RNF123: variants seen among roughly 807,000 people sequenced by gnomAD.
RNF123 encodes the protein E3 ubiquitin-protein ligase RNF123.
RNF123 carries 86 observed loss-of-function variants against 168.5 expected under a neutral mutation model. That is an observed-to-expected ratio of 0.51 (90% confidence interval 0.43 to 0.61). The LOEUF is 0.61. Among genes scored for constraint, RNF123 ranks in the 20% least tolerant of loss-of-function variants. RNF123 has a pLI of 0.00. For synonymous variants in RNF123, 666 were observed against 689.1 expected (o/e 0.97, Z 0.52); for missense variants, 1,419 against 1,729.7 (o/e 0.82, Z 3.19).
chr3:49,706,926 C>A (rs1559680912), intron 26 of RNF123, 28 bp downstream of exon 26: 2 of 1,593,090 alleles, frequency 1.3e-6, no homozygotes, highest in Non-Finnish European at 1.7e-6. Flanking sequence ...CTGCCCCTTC[C>A]CGACCTCACT....
intron 4 of RNF123, 27 bp from the exon 5 acceptor site, chr3:49,697,336 G>T: frequency 6.2e-7 from 1 of 1,604,324 alleles, no homozygotes; most frequent in Non-Finnish European, 8.5e-7. Context: ...GCTCCACCCT[G>T]CCTGACCCCA....
intron 35 of RNF123, chr3:49,718,333 G>C (rs771546841): frequency 6.2e-7 from 1 of 1,613,382 alleles, no homozygotes; most frequent in South Asian, 1.1e-5. Context: ...GAAAGCCTCG[G>C]GCTCTGGGCG....
At chr3:49,698,698 CAG>C in intron 8 of RNF123, 55 bp from the exon 9 acceptor site, 1 of 1,592,008 alleles carries the variant, frequency 6.3e-7, no homozygotes, top group Non-Finnish European at 8.6e-7. Context: ...AGCTGGGGTT[CAG>C]AGTCAGCAGG....
rs1198511497 is a variant in RNF123 at position 49,712,875 on chromosome 3, CAG to C, written c.2674+221_2674+222del. On this transcript the variant is annotated intron_variant, in intron 27 of 38. Transcript: ENST00000327697. The stretch of plus-strand genomic sequence containing the variant: ...CCAACAGCTCCCTAGCAAAGGAAAA[CAG>C]ACAAGATGGAACACGGTGGGTGTAG... 3 of 706,950 alleles carry C rather than the reference CAG, an allele frequency of 4.2e-6. No homozygotes were observed. In the Admixed American group the frequency reaches 6.0e-5, roughly 14 times the overall value. The allele number at this position is 706,950 out of a possible 1,614,324, so 43.8% of individuals were successfully genotyped here. A position where few individuals can be genotyped will look rare whatever the true frequency, so the allele number is the denominator to read the frequency against.
rs1255430381 is a variant in RNF123, at chr3:49,719,441, T to A, written c.3501-1070T>A. ...CCAACGCGCAGCATGCAGAGCAGTG[T>A]CCCCAGCAGCACCAACCAGGTCATG... On this transcript the variant is annotated intron_variant, in intron 35 of 38. Transcript: ENST00000327697. 3.7e-6 allele frequency: 6 copies of A among 1,612,984 alleles called. No individual in the cohort carries two copies. Among genetic ancestry groups the A allele is most frequent in the Non-Finnish European group, 5.1e-6 (6 of 1,179,886 alleles).
Position 49,702,125 on chromosome 3 carries a change from A to C in RNF123, c.1538A>C (p.Asp513Ala), listed in dbSNP as rs1575526710. Residue 513 changes from aspartate (D) to alanine (A), a missense_variant, in exon 18 of 39, where the codon GAC becomes GCC. By Grantham distance (126) the Asp-to-Ala change is moderately radical. Coordinates refer to ENST00000327697, the MANE Select transcript of RNF123 (RefSeq NM_022064.5). ...LQVQILKLLL[D>A]NKDDNGGEAS... ...GTCCAGATCCTGAAGCTGCTGCTGG[A>C]CAATAAAGATGACAATGGGGTGAGT... 1 of 1,614,120 alleles carries C rather than the reference A, an allele frequency of 6.2e-7. No homozygotes were observed. The highest frequency in any genetic ancestry group is 8.5e-7 in the Non-Finnish European group (1 of 1,179,998).
rs765290298 is a variant in RNF123, at chr3:49,706,787, G to A, written c.2389-4G>A. The A allele has an allele frequency of 6.2e-7, 1 of 1,613,404 alleles. No homozygotes were observed. The highest frequency in any genetic ancestry group is 8.5e-7 in the Non-Finnish European group (1 of 1,179,316). The stretch of plus-strand genomic sequence containing the variant: ...GATTGTCCTCCTTTCCCCTTGGGTG[G>A]CAGAGGAAGGACATCCTTGCAGAGT... On this transcript the variant is annotated splice_region_variant and splice_polypyrimidine_tract_variant and intron_variant, in intron 25 of 38. Transcript: ENST00000327697.
At position 49,713,775 on chromosome 3, in the gene RNF123, C is replaced by T. The variant is rs529846709; in HGVS notation, c.2787C>T (p.Tyr929=). Reference sequence around the variant, plus strand: ...CACTGATGCAGGCCCTGGCCAGCTACGTGTGCTACCCACACTCCCTGCGGG... The same window carrying T: ...CACTGATGCAGGCCCTGGCCAGCTATGTGTGCTACCCACACTCCCTGCGGG... ...RDSLMQALAS[Y]VCYPHSLRAV... Residue 929 remains tyrosine, a synonymous_variant, in exon 29 of 39, where the codon TAC becomes TAT. Coordinates refer to ENST00000327697, the MANE Select transcript of RNF123 (RefSeq NM_022064.5). The T allele has an allele frequency of 1.9e-5, 30 of 1,610,844 alleles. No homozygotes were observed. In the East Asian group the frequency reaches 4.3e-4, roughly 23 times the overall value.
intron 12 of RNF123, 114 bp from the exon 13 acceptor site, chr3:49,700,113 T>A (rs1036608761): frequency 4.8e-6 from 7 of 1,467,628 alleles, no homozygotes; most frequent in Non-Finnish European, 5.5e-6. Flanking sequence ...TTGGTGTTGC[T>A]CGAGTGGCTC....
At chr3:49,697,076 G>A in intron 3 of RNF123, 67 bp from the exon 4 acceptor site, 1 of 1,328,278 alleles carries the variant, frequency 7.5e-7, no homozygotes, top group Non-Finnish European at 1.1e-6. Context: ...GGGAAAGGAT[G>A]GGATTTAGTG....
Position 49,699,096 on chromosome 3 carries a change from G to A in RNF123, c.755G>A (p.Arg252His), listed in dbSNP as rs767762755. The change falls in exon 10 of 39, where the codon CGT becomes CAT. Residue 252 changes from arginine to histidine, a missense_variant. This residue lies in a region of RNF123 where 318 missense variants were observed against 446.6 expected (regional missense o/e 0.71). Coordinates refer to ENST00000327697, the MANE Select transcript of RNF123 (RefSeq NM_022064.5). The surrounding 1 kb of genome is among the most constrained non-coding windows in gnomAD (Gnocchi z 4.8). ...KESVAFNFGS[R>H]PLRYPVAGYR... ...TCCGTGGCCTTCAACTTTGGCAGCC[G>A]TCCTCTGCGATATCATTTTGTGAAG... is the stretch of plus-strand genomic sequence containing the variant. 43 of 1,613,262 alleles carry A rather than the reference G, an allele frequency of 2.7e-5. No individual in the cohort carries two copies. Among genetic ancestry groups the A allele is most frequent in the Non-Finnish European group, 3.1e-5 (37 of 1,179,912 alleles).
At chr3:49,702,263 C>A in intron 18 of RNF123, 71 bp from the exon 19 acceptor site, 3 of 1,590,324 alleles carry the variant, frequency 1.9e-6, no homozygotes, top group Non-Finnish European at 2.6e-6. Flanking sequence ...GGGGAAGGTG[C>A]AGCACTGAGC....
intron 25 of RNF123, among the ~76,000 whole-genome samples, chr3:49,706,370 C>T (rs892463582): frequency 6.6e-6 from 1 of 152,232 alleles, no homozygotes; most frequent in Non-Finnish European, 1.5e-5. Context: ...CAGGGCCTGG[C>T]TCCACTGCAC....
rs1340084259 is a variant in RNF123 at position 49,705,659 on chromosome 3, G to A, written c.2284G>A (p.Val762Ile). 26 of 1,614,198 alleles carry A rather than the reference G, an allele frequency of 1.6e-5. No homozygotes were observed. The highest frequency in any genetic ancestry group is 3.3e-5 in the South Asian group (3 of 91,076). Residue 762 changes from valine to isoleucine, a missense_variant, in exon 24 of 39, where the codon GTA (valine) becomes ATA (isoleucine). By Grantham distance (29) the Val-to-Ile change is conservative (BLOSUM62 3). Coordinates refer to ENST00000327697, the MANE Select transcript of RNF123 (RefSeq NM_022064.5). ...DGAVMMYNLSVHQQLGKMVGV... is the reference protein window; with the variant it reads ...DGAVMMYNLSIHQQLGKMVGV... The stretch of plus-strand genomic sequence containing the variant: ...GGCGGTCATGATGTACAACCTCAGC[G>A]TACACCAGCAGCTGGGCAAGGTCGT...
intron 26 of RNF123, among the ~76,000 whole-genome samples, 170 bp downstream of exon 26, chr3:49,707,068 T>A (rs2054533306): frequency 6.6e-6 from 1 of 152,136 alleles, no homozygotes; most frequent in African/African-American, 2.4e-5. Flanking sequence ...GTACCCCTCA[T>A]GCTCTGTGGA....
intron 23 of RNF123, 75 bp from the exon 24 acceptor site, chr3:49,705,459 C>A: frequency 6.6e-7 from 1 of 1,515,156 alleles, no homozygotes; most frequent in Non-Finnish European, 8.8e-7. Context: ...GAGATGATTT[C>A]CTCTCCTGCT....
chr3:49,694,628 C>T lies in RNF123; in HGVS notation c.168-2515C>T, dbSNP rs115147086. Among the ~76,000 whole-genome samples the T allele has an allele frequency of 4.4e-3, 671 of 152,332 alleles. 4 individuals are homozygous for T. The highest frequency in any genetic ancestry group is 0.015 in the African/African-American group (627 of 41,568). On this transcript the variant is annotated intron_variant, in intron 3 of 38. Coordinates refer to ENST00000327697, the MANE Select transcript of RNF123 (RefSeq NM_022064.5). ...TCCCTGCAGTGAGGCACGGTTGTCC[C>T]TGTCTCTCACCCCCTCATCAGCCTT...
chr3:49,699,788 A>T lies in RNF123; in HGVS notation c.984+16A>T. On this transcript the variant is annotated intron_variant, in intron 12 of 38. Transcript: ENST00000327697. This position sits in a 1 kb window ranked among gnomAD's most constrained non-coding sequence, Gnocchi z 4.8. Reference sequence around the variant, plus strand: ...ACCGCTTCTGGTGAGCGGCATTGGGAGGGGCATGGGAGGGGAGGAGACAGG... The same window carrying T: ...ACCGCTTCTGGTGAGCGGCATTGGGTGGGGCATGGGAGGGGAGGAGACAGG... 6.2e-7 allele frequency: 1 copy of T among 1,610,256 alleles called. No homozygotes were observed. Among genetic ancestry groups the T allele is most frequent in the Non-Finnish European group, 8.5e-7 (1 of 1,177,880 alleles).
chr3:49,719,981 G>C (rs2080359211), intron 35 of RNF123: 1 of 163,044 alleles, frequency 6.1e-6, no homozygotes, highest in Non-Finnish European at 1.4e-5. Flanking sequence ...GGGGCAGGCA[G>C]ACTCTCACTA....
Sources: allele counts gnomAD v4.1 joint callset (sites outside exome capture counted in the v4.1 genomes callset), GRCh38; gene constraint gnomAD v4.1.1; regional missense constraint gnomAD v4.1.1; non-coding constraint Gnocchi (gnomAD v3.1); transcripts MANE v1.5; gene names NCBI Gene and HGNC (gene_info 2026-07-23, HGNC 2026-07-21).